The following LIPH variants were observed in gnomAD, a reference collection of about 807,000 sequenced individuals.
LIPH encodes lipase H, also known as lipase member H.
LIPH carries 32 observed loss-of-function variants against 47.6 expected under a neutral mutation model. The observed-to-expected ratio is 0.67, with a 90% confidence interval of 0.51 to 0.90. The LOEUF (loss-of-function observed/expected upper bound fraction) is 0.90. Among genes scored for constraint, LIPH ranks in the 40% least tolerant of loss-of-function variants. The pLI, the probability that LIPH is intolerant of heterozygous loss-of-function variation, is 0.00. For missense variants in LIPH, 497 were observed against 541.4 expected, an observed-to-expected ratio of 0.92 and a Z score of 0.81; for synonymous variants, 190 against 195.6, an observed-to-expected ratio of 0.97 and a Z score of 0.24.
At chr3:185,543,830 A>G (rs1720786627) in intron 1 of LIPH, among the ~76,000 whole-genome samples, 1 of 145,602 alleles carries the variant, frequency 6.9e-6, no homozygotes, top group South Asian at 2.2e-4. Context: ...CTTTACCACT[A>G]GGTGACTGGC....
intron 1 of LIPH, among the ~76,000 whole-genome samples, chr3:185,537,503 T>C (rs919490355): frequency 6.6e-6 from 1 of 152,282 alleles, no homozygotes; most frequent in South Asian, 2.1e-4. Context: ...CCTGGGAACA[T>C]GCACTTGCCC....
chr3:185,523,165 G>C (rs573069217), intron 5 of LIPH, among the ~76,000 whole-genome samples: 1 of 152,032 alleles, frequency 6.6e-6, no homozygotes, highest in East Asian at 1.9e-4. Flanking sequence ...ATTCTTGTCT[G>C]CATTTTCCAT....
intron 4 of LIPH, 114 bp from the exon 5 acceptor site, chr3:185,524,274 G>T (rs2077591132): frequency 2.8e-6 from 2 of 712,564 alleles, no homozygotes; most frequent in Non-Finnish European, 5.0e-6. Flanking sequence ...TATCATTATT[G>T]TTATACCTAT....
chr3:185,520,872 C>CT (rs62975760), intron 5 of LIPH, among the ~76,000 whole-genome samples: 125,552 of 141,080 alleles, frequency 0.89, 55,918 homozygotes, highest in East Asian at 0.99. Context: ...TAGCTTCTAT[C>CT]TTTTTTTTTT....
chr3:185,541,394 CTTTTTTT>C (rs11349854), intron 1 of LIPH, among the ~76,000 whole-genome samples: 1 of 130,816 alleles, frequency 7.6e-6, no homozygotes, highest in Admixed American at 8.0e-5. Context: ...ATCTTTCTTT[CTTTTTTT>C]TTTTTTTTTT....
intron 3 of LIPH, among the ~76,000 whole-genome samples, chr3:185,529,459 G>A (rs1412586401): frequency 6.1e-5 from 9 of 146,826 alleles, no homozygotes; most frequent in African/African-American, 1.2e-4. Flanking sequence ...GAGGAGAGCC[G>A]GTTGTAGGGG....
intron 9 of LIPH, among the ~76,000 whole-genome samples, chr3:185,509,481 T>C (rs949078754): frequency 1.3e-5 from 2 of 151,524 alleles, no homozygotes; most frequent in Non-Finnish European, 2.9e-5. Context: ...ATACAAAAAA[T>C]TAGCTGGGCG....
At chr3:185,530,195 T>C (rs1038804971) in intron 3 of LIPH, among the ~76,000 whole-genome samples, 4 of 151,404 alleles carry the variant, frequency 2.6e-5, no homozygotes, top group Admixed American at 2.0e-4. Flanking sequence ...AATAAGTAAA[T>C]AGGCTGGGCA....
intron 1 of LIPH, among the ~76,000 whole-genome samples, chr3:185,536,418 C>T (rs1002700605): frequency 6.6e-6 from 1 of 152,176 alleles, no homozygotes; most frequent in Non-Finnish European, 1.5e-5. Context: ...TGGGAAACAT[C>T]TGTCTGACTT....
At chr3:185,533,703 T>C (rs200349669) in intron 2 of LIPH, 24 bp from the exon 3 acceptor site, 24 of 1,447,900 alleles carry the variant, frequency 1.7e-5, no homozygotes, top group African/African-American at 7.0e-5. Context: ...AGGTCCATCA[T>C]TGTAAATTGT....
intron 1 of LIPH, among the ~76,000 whole-genome samples, chr3:185,551,581 A>T (rs890383057): frequency 2.6e-5 from 4 of 152,196 alleles, no homozygotes; most frequent in African/African-American, 9.6e-5. Context: ...TATTGCAAGT[A>T]ATATAGTTAG....
intron 4 of LIPH, among the ~76,000 whole-genome samples, chr3:185,524,596 T>G (rs1303699524): frequency 1.3e-5 from 2 of 152,032 alleles, no homozygotes; most frequent in African/African-American, 4.8e-5. Context: ...ATTACAGGCA[T>G]GTGCCACCAT....
At chr3:185,539,298 C>T (rs1167029606) in intron 1 of LIPH, among the ~76,000 whole-genome samples, 1 of 151,510 alleles carries the variant, frequency 6.6e-6, no homozygotes, top group Non-Finnish European at 1.5e-5. Context: ...ACTGGGCTCT[C>T]TTGTTGTCAG....
At chr3:185,513,992 A>G (rs1477450363) in intron 8 of LIPH, among the ~76,000 whole-genome samples, 1 of 152,208 alleles carries the variant, frequency 6.6e-6, no homozygotes, top group Non-Finnish European at 1.5e-5. Flanking sequence ...GTGAGCTGAG[A>G]TGTTTTGATG....
chr3:185,535,176 G>C (rs1560167854), intron 1 of LIPH, 44 bp from the exon 2 acceptor site: 1 of 1,607,422 alleles, frequency 6.2e-7, no homozygotes, highest in Non-Finnish European at 8.5e-7. Flanking sequence ...TCTTTCCTTA[G>C]CTGGGCATCA....
intron 1 of LIPH, among the ~76,000 whole-genome samples, chr3:185,538,415 T>C (rs60713406): frequency 6.6e-6 from 1 of 152,326 alleles, no homozygotes; most frequent in East Asian, 1.9e-4. Flanking sequence ...GAGTGTAAGA[T>C]GAAAACTTAA....
At chr3:185,512,009 T>C (rs1188195188) in intron 8 of LIPH, among the ~76,000 whole-genome samples, 1 of 152,126 alleles carries the variant, frequency 6.6e-6, no homozygotes, top group Non-Finnish European at 1.5e-5. Context: ...ATGATGTCCT[T>C]GTCTCTCGAC....
At chr3:185,529,683 A>C (rs1270646950) in intron 3 of LIPH, among the ~76,000 whole-genome samples, 1 of 150,920 alleles carries the variant, frequency 6.6e-6, no homozygotes, top group African/African-American at 2.4e-5. Flanking sequence ...TGAGACCAGG[A>C]GTTCGAGACC....
chr3:185,511,413 C>T, intron 9 of LIPH, 111 bp downstream of exon 9: 1 of 1,011,670 alleles, frequency 9.9e-7, no homozygotes, highest in Non-Finnish European at 1.6e-6. Flanking sequence ...CCCATCATGT[C>T]CCTCATTGTG....
Sources: allele counts gnomAD v4.1 joint callset (sites outside exome capture counted in the v4.1 genomes callset), GRCh38; gene constraint gnomAD v4.1.1; transcripts MANE v1.5; gene names NCBI Gene and HGNC (gene_info 2026-07-23, HGNC 2026-07-21).